Variants in ZFYVE26 observed in about 807,000 individuals in gnomAD.
The protein encoded by ZFYVE26 is zinc finger FYVE-type containing 26.
In ZFYVE26, 181 loss-of-function variants were observed where a neutral mutation model predicts 276.5. That is an observed-to-expected ratio of 0.65 (90% CI 0.58 to 0.74). ZFYVE26 has a LOEUF of 0.74. Ranked by LOEUF, ZFYVE26 falls within the 30% of genes least tolerant of loss-of-function variation. The probability of loss-of-function intolerance (pLI) is 0.00; values close to 1 mark genes in which losing one functional copy is unlikely to be tolerated. For synonymous variants in ZFYVE26, 1,129 were observed against 1,203.1 expected (o/e 0.94, Z 1.27); for missense variants, 2,821 against 3,097.9 (o/e 0.91, Z 2.12).
rs765380018 is a variant in ZFYVE26 at position 67,789,501 on chromosome 14, C to T, written c.2853G>A (p.Thr951=). Reference sequence around the variant, plus strand: ...GGGGAGCAGTGGGCTCCACTAGAGCCGTGCTTATCCAAAAGTCCTCCTGGA... The same window carrying T: ...GGGGAGCAGTGGGCTCCACTAGAGCTGTGCTTATCCAAAAGTCCTCCTGGA... ...PMLQEDFWIS[T]ALVEPTAPLR... Residue 951 remains threonine (T), a synonymous_variant, in exon 16 of 42, where the codon ACG becomes ACA. Transcript: ENST00000347230. 29 of 1,614,038 alleles carry T rather than the reference C, an allele frequency of 1.8e-5. No individual in the cohort carries two copies. In the East Asian group the frequency reaches 5.1e-4, roughly 29 times the overall value.
At chr14:67,753,238 G>C (rs2038695254) in intron 39 of ZFYVE26, among the ~76,000 whole-genome samples, 1 of 152,176 alleles carries the variant, frequency 6.6e-6, no homozygotes, top group Non-Finnish European at 1.5e-5. Flanking sequence ...TGCCCCTCAT[G>C]GTCTCAGTGC....
rs1034214888 is a variant in ZFYVE26, at chr14:67,815,972, C to A, written c.-9G>T. On this transcript the variant is annotated 5_prime_UTR_variant, in exon 2 of 42. Transcript: ENST00000347230. ...CCAAATGGATGATTCATTTTCCCAGCACAGAGTGCAGGGAGATACAAAGAA... is the reference window on the plus strand; with the variant it reads ...CCAAATGGATGATTCATTTTCCCAGAACAGAGTGCAGGGAGATACAAAGAA... 1.7e-5 allele frequency: 28 copies of A among 1,605,960 alleles called. No homozygotes were observed. In the East Asian group the frequency reaches 6.3e-4, roughly 36 times the overall value.
chr14:67,753,258 GCCC>G (rs2140182124), intron 39 of ZFYVE26, among the ~76,000 whole-genome samples: 1 of 152,274 alleles, frequency 6.6e-6, no homozygotes, highest in South Asian at 2.1e-4. Context: ...CCCTGCTCCA[GCCC>G]CTGCTCCAGT....
intron 14 of ZFYVE26, among the ~76,000 whole-genome samples, chr14:67,791,419 C>G (rs1011628340): frequency 2.0e-5 from 3 of 151,948 alleles, no homozygotes; most frequent in Non-Finnish European, 2.9e-5. Flanking sequence ...AAGACAAATG[C>G]TAATATTAAA....
At chr14:67,787,466 C>T (rs955148180) in intron 16 of ZFYVE26, among the ~76,000 whole-genome samples, 1 of 152,114 alleles carries the variant, frequency 6.6e-6, no homozygotes, top group African/African-American at 2.4e-5. Context: ...CTAAAAGAGT[C>T]TAACTAGCTT....
rs146491131 is a variant in ZFYVE26, at chr14:67,752,815, A to G, written c.7189-289T>C. On this transcript the variant is annotated intron_variant, in intron 39 of 41. Transcript: ENST00000347230. ...ATATTCTTATCAAAATCCTAAGACT[A>G]GTTCACTTTCTTGAGAAATGGGCAT... 5.1e-3 allele frequency among the ~76,000 whole-genome samples: 770 copies of G among 152,284 alleles called. 6 individuals are homozygous for G. Among genetic ancestry groups the G allele is most frequent in the African/African-American group, 0.012 (510 of 41,550 alleles).
intron 10 of ZFYVE26, chr14:67,798,902 C>T (rs2040019457): frequency 1.1e-6 from 1 of 947,248 alleles, no homozygotes; most frequent in Admixed American, 2.2e-5. Flanking sequence ...GGCCCCGCCC[C>T]CGGGGAGGGC....
In ZFYVE26 at chr14:67,740,547, C is replaced by CA. The variant is rs566289602; in HGVS notation, n.2679+10504dup. On this transcript the variant is annotated intron_variant and non_coding_transcript_variant, in intron 13 of 14. Coordinates refer to the ZFYVE26 transcript ENST00000394455. Reference sequence around the variant, plus strand: ...ATTCACAATTCTGAAGTTCATTGTCCATTTAGTTGCTAATGTAAACAATGG... The same window carrying CA: ...ATTCACAATTCTGAAGTTCATTGTCCAATTTAGTTGCTAATGTAAACAATGG... 9.5e-4 allele frequency among the ~76,000 whole-genome samples: 144 copies of CA among 151,974 alleles called. 1 individual carries two copies. Among genetic ancestry groups the CA allele is most frequent in the African/African-American group, 3.3e-3 (138 of 41,458 alleles).
chr14:67,732,126 C>CAAA (rs71129854), intron 13 of ZFYVE26, among the ~76,000 whole-genome samples: 5 of 77,526 alleles, frequency 6.4e-5, no homozygotes, highest in East Asian at 4.0e-4. Context: ...GACTCTGTCT[C>CAAA]AAAAAAAAAA....
Position 67,772,253 on chromosome 14 carries a change from T to C in ZFYVE26, c.5321-43A>G, listed in dbSNP as rs749578051. On this transcript the variant is annotated intron_variant, in intron 27 of 41. Coordinates refer to ENST00000347230, the MANE Select transcript of ZFYVE26 (RefSeq NM_015346.4). ...AGGTCAGAGTAAAAGGTAATCAATA[T>C]ACCAGCTTATAGATGAAGAGGGAAT... The C allele has an allele frequency of 1.8e-5, 28 of 1,587,280 alleles. No individual in the cohort carries two copies. The East Asian group carries it at 3.1e-4, about 18-fold the overall frequency.
intron 10 of ZFYVE26, among the ~76,000 whole-genome samples, chr14:67,800,769 C>G (rs1032691092): frequency 1.3e-5 from 2 of 152,034 alleles, no homozygotes; most frequent in Non-Finnish European, 2.9e-5. Flanking sequence ...AAGCCTTTAG[C>G]TCTAAGGTAA....
At chr14:67,760,046 A>G (rs2038892514) in intron 35 of ZFYVE26, among the ~76,000 whole-genome samples, 1 of 152,204 alleles carries the variant, frequency 6.6e-6, no homozygotes, top group Non-Finnish European at 1.5e-5. Context: ...GAAAAAAAGA[A>G]GGCTTATTTC....
intron 10 of ZFYVE26, chr14:67,798,935 T>A: frequency 9.1e-7 from 1 of 1,100,088 alleles, no homozygotes; most frequent in Non-Finnish European, 1.4e-6. Flanking sequence ...TTGGCGCCTC[T>A]GATCTTTATT....
intron 28 of ZFYVE26, chr14:67,770,219 T>G (rs971320543): frequency 6.9e-5 from 14 of 202,724 alleles, no homozygotes; most frequent in Admixed American, 5.3e-5. Context: ...ATCCCAGCAG[T>G]TTGGGAGGCA....
At position 67,809,418 on chromosome 14, in the gene ZFYVE26, T is replaced by A. The variant is rs796474160; in HGVS notation, c.274-129A>T. ...CTAAGATGAAGCACTCTTTTTTTTT[T>A]TTTTTTTTTTTTTTTTTATTTTGAG... On this transcript the variant is annotated intron_variant, in intron 3 of 41. Transcript: ENST00000347230. 6.6e-4 allele frequency: 378 copies of A among 571,390 alleles called. 6 individuals are homozygous for A. The highest frequency in any genetic ancestry group is 2.2e-3 in the African/African-American group (96 of 43,888). The allele number at this position is 571,390 out of a possible 1,614,324, so 35.4% of individuals were successfully genotyped here.
At position 67,774,688 on chromosome 14, in the gene ZFYVE26, C is replaced by T. The variant is rs532356770; in HGVS notation, c.5320+328G>A. Reference sequence around the variant, plus strand: ...TAGAAAAAAGGAAATAGAATAGAATCGTCTAGGAAGAGTTGTTTTTAGGAT... The same window carrying T: ...TAGAAAAAAGGAAATAGAATAGAATTGTCTAGGAAGAGTTGTTTTTAGGAT... On this transcript the variant is annotated intron_variant, in intron 27 of 41. Coordinates refer to ENST00000347230, the MANE Select transcript of ZFYVE26 (RefSeq NM_015346.4). 1.1e-4 allele frequency among the ~76,000 whole-genome samples: 17 copies of T among 152,174 alleles called. No individual in the cohort carries two copies. The South Asian group carries it at 2.7e-3, about 24-fold the overall frequency.
At chr14:67,733,853 T>G (rs991203112) in intron 13 of ZFYVE26, 2 of 1,599,848 alleles carry the variant, frequency 1.3e-6, no homozygotes, top group Middle Eastern at 1.7e-4. Context: ...GAGTAGCTGG[T>G]GGAAGAGCTG....
intron 38 of ZFYVE26, 95 bp downstream of exon 38, chr14:67,753,976 A>G: frequency 6.2e-7 from 1 of 1,601,034 alleles, no homozygotes; most frequent in Non-Finnish European, 8.6e-7. Context: ...CAGCCATCAA[A>G]CAAACAACTG....
At chr14:67,741,378 G>A (rs770145587) in intron 13 of ZFYVE26, among the ~76,000 whole-genome samples, 3 of 152,174 alleles carry the variant, frequency 2.0e-5, no homozygotes, top group Admixed American at 6.5e-5. Flanking sequence ...AAGGGAAGGA[G>A]CCCTTCTTGC....
Sources: allele counts gnomAD v4.1 joint callset (sites outside exome capture counted in the v4.1 genomes callset), GRCh38; gene constraint gnomAD v4.1.1; transcripts MANE v1.5; gene names NCBI Gene and HGNC (gene_info 2026-07-23, HGNC 2026-07-21).